HYDIN: variants seen among roughly 807,000 people sequenced by gnomAD.
HYDIN encodes the protein axonemal central pair apparatus protein HYDIN.
In HYDIN, 132 loss-of-function variants were observed where a neutral mutation model predicts 403.9. The observed-to-expected ratio is 0.33, with a 90% confidence interval of 0.28 to 0.38. The LOEUF is 0.38. HYDIN is among the 10% of genes least tolerant of loss of function. The pLI is 1.00. For synonymous variants in HYDIN, 1,202 were observed against 1,891.7 expected, an observed-to-expected ratio of 0.64 and a Z score of 9.46; for missense variants, 2,827 against 5,009.5, an observed-to-expected ratio of 0.56 and a Z score of 13.15.
intron 23 of HYDIN, among the ~76,000 whole-genome samples, chr16:71,010,602 C>T (rs1482771395): frequency 2.0e-5 from 3 of 151,840 alleles, no homozygotes; most frequent in Admixed American, 6.6e-5. Flanking sequence ...TCATTTCACA[C>T]AAGAGCCGAG....
At chr16:71,074,742 C>T (rs1160496160) in intron 13 of HYDIN, among the ~76,000 whole-genome samples, 3 of 142,960 alleles carry the variant, frequency 2.1e-5, no homozygotes, top group African/African-American at 7.8e-5. Context: ...AAGAAAGTTT[C>T]AAATGCCTCT....
At chr16:71,175,835 C>A in intron 4 of HYDIN, 94 bp from the exon 5 acceptor site, 2 of 1,301,514 alleles carry the variant, frequency 1.5e-6, no homozygotes, top group Non-Finnish European at 2.2e-6. Flanking sequence ...AGACGTGTGA[C>A]CTTGGTCAGG....
At chr16:70,832,582 G>A (rs528937677) in intron 80 of HYDIN, among the ~76,000 whole-genome samples, 137 of 152,374 alleles carry the variant, frequency 9.0e-4, no homozygotes, top group African/African-American at 3.2e-3. Flanking sequence ...AGGTGTTAAC[G>A]CTTTAATCAT....
chr16:70,917,331 C>A (rs1278987825), intron 47 of HYDIN, among the ~76,000 whole-genome samples: 1 of 152,282 alleles, frequency 6.6e-6, no homozygotes, highest in East Asian at 1.9e-4. Context: ...ACCGACGCTA[C>A]TGATCTCAGA....
rs4788758 is a variant in HYDIN at position 71,087,273 on chromosome 16, G to A, written c.1670+1028C>T. On this transcript the variant is annotated intron_variant, in intron 12 of 85. Transcript: ENST00000393567. ...CCTAGACTGGGTGGCTTAAACAACA[G>A]AAGTTTATTTCTGTTGCTGTCAGAA... Among the ~76,000 whole-genome samples, 61 of 151,782 alleles carry A rather than the reference G, an allele frequency of 4.0e-4. No homozygotes were observed. In the East Asian group the frequency reaches 4.5e-3, roughly 11 times the overall value.
intron 45 of HYDIN, among the ~76,000 whole-genome samples, chr16:70,928,551 C>T (rs1314847028): frequency 6.7e-6 from 1 of 148,800 alleles, no homozygotes; most frequent in African/African-American, 2.4e-5. Flanking sequence ...TCAACAGAAA[C>T]ACTTGAAGGT....
chr16:70,979,729 C>T (rs2078988903), intron 29 of HYDIN, among the ~76,000 whole-genome samples: 1 of 152,116 alleles, frequency 6.6e-6, no homozygotes, highest in African/African-American at 2.4e-5. Flanking sequence ...CTCAGGAGTT[C>T]AAGACCAGCC....
At chr16:71,214,473 T>C (rs1039804319) in intron 1 of HYDIN, among the ~76,000 whole-genome samples, 2 of 152,152 alleles carry the variant, frequency 1.3e-5, no homozygotes, top group Non-Finnish European at 2.9e-5. Flanking sequence ...AATTAAATTA[T>C]TGGAGGATTT....
chr16:70,832,916 T>C lies in HYDIN; in HGVS notation c.13831A>G (p.Ile4611Val). 1 of 1,614,030 alleles carries C rather than the reference T, an allele frequency of 6.2e-7. No individual in the cohort carries two copies. Among genetic ancestry groups the C allele is most frequent in the Non-Finnish European group, 8.5e-7 (1 of 1,179,896 alleles). The change falls in exon 80 of 86, where the codon ATC becomes GTC. Residue 4611 changes from isoleucine to valine, a missense_variant. Ile to Val is a conservative substitution (Grantham distance 29). Transcript: ENST00000393567. The part of the protein sequence containing the change: ...ESLCKNILCY[I>V]QGGSPLSLTL... ...AGACTCAGAGGACTGCCTCCCTGGA[T>C]GTAGCAGAGAATGTTTTTACAAAGG...
intron 19 of HYDIN, among the ~76,000 whole-genome samples, chr16:71,028,296 A>T (rs1205027536): frequency 5.3e-5 from 8 of 152,148 alleles, no homozygotes; most frequent in Non-Finnish European, 1.2e-4. Context: ...ATTTGAAGGA[A>T]GCTTTGAAGA....
At chr16:71,098,594 A>G (rs374810139) in intron 10 of HYDIN, among the ~76,000 whole-genome samples, 7 of 151,640 alleles carry the variant, frequency 4.6e-5, no homozygotes, top group African/African-American at 1.5e-4. Context: ...TTTGGTCAAG[A>G]GAAAAGTATT....
intron 1 of HYDIN, among the ~76,000 whole-genome samples, 161 bp downstream of exon 1, chr16:71,230,401 G>A (rs2041227951): frequency 6.6e-6 from 1 of 152,168 alleles, no homozygotes; most frequent in Admixed American, 6.5e-5. Context: ...ACTTTCATGG[G>A]AGTGAGAAGT....
chr16:70,807,712 T>A lies in HYDIN; in HGVS notation c.15234A>T (p.Thr5078=). 1 of 1,614,164 alleles carries A rather than the reference T, an allele frequency of 6.2e-7. No individual in the cohort carries two copies. The highest frequency in any genetic ancestry group is 8.5e-7 in the Non-Finnish European group (1 of 1,180,028). The change falls in exon 86 of 86, where the codon ACA becomes ACT. Residue 5078 remains threonine (T), a synonymous_variant. Transcript: ENST00000393567. The stretch of plus-strand genomic sequence containing the variant: ...CAGATGGGTTTCCTTCAAAGGAGAC[T>A]GTGATGTTGTTGATCTTCTTGGGCC... ...SVRPKKINNI[T]VSFEGNPSGS... is the part of the protein sequence containing the mutation.
At chr16:71,021,298 C>G (rs1357423161) in intron 21 of HYDIN, among the ~76,000 whole-genome samples, 1 of 151,210 alleles carries the variant, frequency 6.6e-6, no homozygotes, top group Non-Finnish European at 1.5e-5. Flanking sequence ...CTCACTGCAA[C>G]CTCTGCCTCT....
chr16:71,096,284 CAT>C (rs1489125482), intron 10 of HYDIN, among the ~76,000 whole-genome samples: 1 of 151,566 alleles, frequency 6.6e-6, no homozygotes, highest in Non-Finnish European at 1.5e-5. Flanking sequence ...TTTATGCACA[CAT>C]ATTTATTTAT....
At chr16:70,977,626 C>T (rs783764) in intron 30 of HYDIN, among the ~76,000 whole-genome samples, 5,935 of 118,438 alleles carry the variant, frequency 0.05, no homozygotes, top group African/African-American at 0.084. Context: ...ACAATATTCG[C>T]ATGCACATTT....
At chr16:71,016,016 T>C (rs375070604) in intron 23 of HYDIN, among the ~76,000 whole-genome samples, 2 of 151,986 alleles carry the variant, frequency 1.3e-5, no homozygotes, top group African/African-American at 2.4e-5. Context: ...ACAGGCAACA[T>C]GGAGCTCAGT....
intron 38 of HYDIN, among the ~76,000 whole-genome samples, chr16:70,960,982 T>G (rs1380248552): frequency 6.6e-6 from 1 of 152,248 alleles, no homozygotes; most frequent in East Asian, 1.9e-4. Context: ...TGAGCCACCT[T>G]GCCCGGCCTA....
chr16:71,192,268 G>A (rs944425731), intron 1 of HYDIN, among the ~76,000 whole-genome samples: 6 of 151,900 alleles, frequency 3.9e-5, no homozygotes, highest in Non-Finnish European at 8.8e-5. Context: ...CCCCTCCTTC[G>A]TTAATGTCAC....
Sources: allele counts gnomAD v4.1 joint callset (sites outside exome capture counted in the v4.1 genomes callset), GRCh38; gene constraint gnomAD v4.1.1; transcripts MANE v1.5; gene names NCBI Gene and HGNC (gene_info 2026-07-23, HGNC 2026-07-21).